SPDYA: variants seen among roughly 807,000 people sequenced by gnomAD.
SPDYA encodes the protein speedy protein A.
SPDYA carries 11 observed loss-of-function variants against 36.7 expected under a neutral mutation model. The observed-to-expected ratio is 0.30, with a 90% CI of 0.19 to 0.50. The LOEUF is 0.50. Among genes scored for constraint, SPDYA ranks in the 20% least tolerant of loss-of-function variants. The pLI is 0.98. For synonymous variants in SPDYA, 115 were observed against 118.7 expected, an observed-to-expected ratio of 0.97 and a Z score of 0.20; for missense variants, 287 against 370.9, an observed-to-expected ratio of 0.77 and a Z score of 1.86.
intron 6 of SPDYA, among the ~76,000 whole-genome samples, chr2:28,835,558 G>A (rs947981444): frequency 1.3e-5 from 2 of 152,196 alleles, no homozygotes; most frequent in Admixed American, 6.5e-5. Flanking sequence ...TATCTCCAGA[G>A]CCTAGAACAG....
At chr2:28,849,779 A>C in intron 7 of SPDYA, 71 bp from the exon 8 acceptor site, 1 of 844,654 alleles carries the variant, frequency 1.2e-6, no homozygotes, top group Non-Finnish European at 1.8e-6. Flanking sequence ...AGACATATAC[A>C]AGCCATTATA....
intron 5 of SPDYA, among the ~76,000 whole-genome samples, chr2:28,823,394 G>T (rs560088436): frequency 6.6e-6 from 1 of 151,858 alleles, no homozygotes; most frequent in Non-Finnish European, 1.5e-5. Context: ...AGGCCGAGGC[G>T]GGTGGATCAT....
chr2:28,827,315 CTAATTT>C (rs1668354077), intron 5 of SPDYA, among the ~76,000 whole-genome samples: 2 of 152,122 alleles, frequency 1.3e-5, no homozygotes, highest in Admixed American at 1.3e-4. Flanking sequence ...TCTCAGTTCA[CTAATTT>C]TATCTTCAGC....
At chr2:28,832,127 T>C (rs1381232272) in intron 6 of SPDYA, among the ~76,000 whole-genome samples, 8 of 152,230 alleles carry the variant, frequency 5.3e-5, no homozygotes, top group Non-Finnish European at 1.0e-4. Context: ...TTGTATTCTA[T>C]CTCTACTTCT....
rs1156852513 is a variant in SPDYA at position 28,850,190 on chromosome 2, C to T, written c.*249C>T. On this transcript the variant is annotated 3_prime_UTR_variant, in exon 8 of 8. Coordinates refer to ENST00000334056, the MANE Select transcript of SPDYA (RefSeq NM_182756.4). ...CCATCTTCAAGTCAGTTACTGTCAT[C>T]TGGAGTACTCAGTTAAGTTGTGGTT... is the stretch of plus-strand genomic sequence containing the variant. 12 of 1,609,052 alleles carry T rather than the reference C, an allele frequency of 7.5e-6. No individual in the cohort carries two copies. Among genetic ancestry groups the T allele is most frequent in the Admixed American group, 1.7e-5 (1 of 59,688 alleles).
At chr2:28,834,927 G>A (rs1275770467) in intron 6 of SPDYA, among the ~76,000 whole-genome samples, 3 of 152,072 alleles carry the variant, frequency 2.0e-5, no homozygotes, top group African/African-American at 4.8e-5. Flanking sequence ...CCCTTTCTCA[G>A]TTCCAATTTT....
rs1465452816 is a variant in SPDYA, at chr2:28,838,953, T to G, written c.553-1219T>G. 2.0e-5 allele frequency among the ~76,000 whole-genome samples: 3 copies of G among 152,220 alleles called. No homozygotes were observed. The East Asian group carries it at 5.8e-4, about 29-fold the overall frequency. On this transcript the variant is annotated intron_variant, in intron 6 of 7. Coordinates refer to ENST00000334056, the MANE Select transcript of SPDYA (RefSeq NM_182756.4). ...TCGAATGTTACAGTTCTCATTTACT[T>G]TGGGTCATTGATGACTGTAACTAAA...
At chr2:28,840,122 G>A in intron 6 of SPDYA, 50 bp from the exon 7 acceptor site, 2 of 1,524,506 alleles carry the variant, frequency 1.3e-6, no homozygotes, top group East Asian at 4.8e-5. Flanking sequence ...CTCAATTTTA[G>A]TAAATTTTGA....
chr2:28,849,064 C>T (rs565571933), intron 7 of SPDYA, among the ~76,000 whole-genome samples: 1 of 151,548 alleles, frequency 6.6e-6, no homozygotes, highest in Admixed American at 6.6e-5. Context: ...AACACACACA[C>T]ACAACTAAAA....
intron 4 of SPDYA, among the ~76,000 whole-genome samples, chr2:28,820,309 C>A (rs1309153356): frequency 6.6e-6 from 1 of 151,958 alleles, no homozygotes; most frequent in Non-Finnish European, 1.5e-5. Context: ...GTTAAAATTT[C>A]AGCTTTGTCG....
intron 4 of SPDYA, among the ~76,000 whole-genome samples, chr2:28,819,883 TA>T (rs1668111972): frequency 8.1e-5 from 5 of 61,826 alleles, no homozygotes; most frequent in East Asian, 5.0e-4. Context: ...TATATATATA[TA>T]TATATATATA....
chr2:28,846,774 A>AC (rs1558333952), intron 7 of SPDYA, among the ~76,000 whole-genome samples: 5 of 115,946 alleles, frequency 4.3e-5, no homozygotes, highest in East Asian at 3.5e-4. Context: ...CACACACACA[A>AC]AGGGAAGTGA....
chr2:28,840,704 C>CA (rs1668729152), intron 7 of SPDYA: 6 of 1,217,776 alleles, frequency 4.9e-6, no homozygotes, highest in Non-Finnish European at 6.1e-6. Flanking sequence ...ACTAATGCAC[C>CA]ATAAGCCTCA....
At chr2:28,835,022 T>C (rs1014613920) in intron 6 of SPDYA, among the ~76,000 whole-genome samples, 2 of 152,158 alleles carry the variant, frequency 1.3e-5, no homozygotes, top group African/African-American at 4.8e-5. Flanking sequence ...AAATACAGAT[T>C]CCAAGAGAGC....
chr2:28,847,770 G>GA (rs1352317895), intron 7 of SPDYA, among the ~76,000 whole-genome samples: 6 of 149,992 alleles, frequency 4.0e-5, no homozygotes, highest in African/African-American at 9.8e-5. Flanking sequence ...AAAAGAAAAA[G>GA]AAAAGAAAAG....
At position 28,830,140 on chromosome 2, in the gene SPDYA, A is replaced by AAAAC. The variant is rs113232019; in HGVS notation, c.552+833_552+836dup. On this transcript the variant is annotated intron_variant, in intron 6 of 7. Coordinates refer to ENST00000334056, the MANE Select transcript of SPDYA (RefSeq NM_182756.4). ...GGCAACAGAGCGAAACTCCATCTCA[A>AAAAC]AAACAAACAAACAAATTGTCATTTC... Among the ~76,000 whole-genome samples the AAAAC allele has an allele frequency of 5.1e-3, 776 of 151,628 alleles. 8 individuals carry two copies. Among genetic ancestry groups the AAAAC allele is most frequent in the African/African-American group, 0.018 (736 of 41,314 alleles).
In SPDYA at chr2:28,840,258, TG is replaced by T; in HGVS notation, c.640del (p.Glu214LysfsTer13). On this transcript the variant is annotated frameshift_variant, in exon 7 of 8. Transcript: ENST00000334056. LOFTEE classifies it high-confidence loss of function. ...SGAVRNYNRD[E>X]VQLPRGPSAT... ...GAGCTGTCAGAAACTACAACAGAGA[TG>T]AAGTTCAGCTGCCCCGGGGACCTAG... 1 of 1,613,906 alleles carries T rather than the reference TG, an allele frequency of 6.2e-7. No homozygotes were observed. The highest frequency in any genetic ancestry group is 8.5e-7 in the Non-Finnish European group (1 of 1,179,956).
intron 3 of SPDYA, among the ~76,000 whole-genome samples, chr2:28,818,166 A>C (rs1668035779): frequency 6.6e-6 from 1 of 152,128 alleles, no homozygotes; most frequent in Admixed American, 6.5e-5. Flanking sequence ...ACCCTGTTTA[A>C]AAAAAGGAAA....
intron 7 of SPDYA, among the ~76,000 whole-genome samples, chr2:28,847,897 C>G (rs1668921850): frequency 1.3e-5 from 2 of 152,118 alleles, no homozygotes; most frequent in Admixed American, 1.3e-4. Context: ...ACATACTTAC[C>G]ATTGTCTTAT....
Sources: allele counts gnomAD v4.1 joint callset (sites outside exome capture counted in the v4.1 genomes callset), GRCh38; gene constraint gnomAD v4.1.1; transcripts MANE v1.5; gene names NCBI Gene and HGNC (gene_info 2026-07-23, HGNC 2026-07-21).